Variants in AP2A2 observed in about 807,000 individuals in gnomAD.
AP2A2 encodes adaptor related protein complex 2 subunit alpha 2.
A neutral mutation model predicts 104.2 loss-of-function variants in AP2A2; 32 were observed. The observed-to-expected ratio is 0.31, with a 90% CI of 0.23 to 0.41. The LOEUF (loss-of-function observed/expected upper bound fraction) is 0.41, where lower values mean the gene tolerates loss of function less well. Ranked by LOEUF, AP2A2 falls within the 10% of genes least tolerant of loss-of-function variation. AP2A2 has a pLI of 1.00. For missense variants in AP2A2, 912 were observed against 1,261.0 expected (o/e 0.72, Z 4.19); for synonymous variants, 539 against 533.3 (o/e 1.01, Z -0.15).
chr11:981,108 C>A, intron 5 of AP2A2, 90 bp from the exon 6 acceptor site: 1 of 1,094,032 alleles, frequency 9.1e-7, no homozygotes, highest in Non-Finnish European at 1.3e-6. Flanking sequence ...CACTGTGCTG[C>A]TGGTTGGTTT....
chr11:1,006,662 G>A (rs749546403), intron 17 of AP2A2, 45 bp downstream of exon 17: 1 of 1,431,218 alleles, frequency 7.0e-7, no homozygotes, highest in South Asian at 1.2e-5. Flanking sequence ...AGCATAATGT[G>A]GGGCTTAGAG....
chr11:933,676 G>A (rs776715909), intron 1 of AP2A2: 7 of 456,070 alleles, frequency 1.5e-5, no homozygotes, highest in Non-Finnish European at 3.1e-5. Context: ...GTGTGAGGCA[G>A]TGAGATGCCC....
intron 1 of AP2A2, chr11:956,670 G>T (rs1854245684): frequency 6.6e-6 from 1 of 152,212 alleles, no homozygotes; most frequent in South Asian, 2.1e-4. Context: ...TGCCTGGCTT[G>T]TGACATACAT....
intron 1 of AP2A2, among the ~76,000 whole-genome samples, chr11:958,553 CAGAT>C (rs1854315430): frequency 6.6e-6 from 1 of 152,136 alleles, no homozygotes; most frequent in Non-Finnish European, 1.5e-5. Context: ...GATTTGACAA[CAGAT>C]AGGTTGTAAT....
chr11:992,478 G>T lies in AP2A2; in HGVS notation c.1270-25G>T. The T allele has an allele frequency of 6.4e-7, 1 of 1,563,414 alleles. No homozygotes were observed. Among genetic ancestry groups the T allele is most frequent in the Non-Finnish European group, 8.7e-7 (1 of 1,153,960 alleles). On this transcript the variant is annotated intron_variant, in intron 10 of 21. Transcript: ENST00000448903. This position sits in a 1 kb window ranked among gnomAD's most constrained non-coding sequence, Gnocchi z 6.4. Reference sequence around the variant, plus strand: ...GGATTGCCATGGCCTGCAGGTGCCGGCCCTCAGCAGCCTGTCCCCCACAGG... The same window carrying T: ...GGATTGCCATGGCCTGCAGGTGCCGTCCCTCAGCAGCCTGTCCCCCACAGG...
chr11:961,484 T>G (rs28515085), intron 2 of AP2A2, among the ~76,000 whole-genome samples: 139 of 80,194 alleles, frequency 1.7e-3, no homozygotes, highest in Middle Eastern at 0.017. Flanking sequence ...GAAAAGTAAA[T>G]GGCAGAAGCA....
At chr11:983,816 A>C (rs186675012) in intron 6 of AP2A2, among the ~76,000 whole-genome samples, 1 of 152,140 alleles carries the variant, frequency 6.6e-6, no homozygotes, top group Non-Finnish European at 1.5e-5. Context: ...GAGACAGCTC[A>C]TGTTGGCCGT....
chr11:1,010,209 A>G (rs1856373776), intron 21 of AP2A2: 1 of 492,036 alleles, frequency 2.0e-6, no homozygotes, highest in East Asian at 3.2e-5. Flanking sequence ...CGTTCTGGCG[A>G]CGGACACCTG....
intron 1 of AP2A2, chr11:940,994 C>T (rs1055305135): frequency 2.2e-5 from 10 of 447,790 alleles, no homozygotes; most frequent in Admixed American, 2.2e-4. Flanking sequence ...TCTCACGAGG[C>T]CCCTTGCTCC....
chr11:996,199 CAG>C (rs1284386099), intron 14 of AP2A2: 3 of 152,390 alleles, frequency 2.0e-5, no homozygotes, highest in Non-Finnish European at 4.4e-5. Context: ...CTCCGCCCTG[CAG>C]AGAGGAGGAC....
chr11:963,847 A>G (rs1854524431), intron 2 of AP2A2, among the ~76,000 whole-genome samples: 1 of 152,228 alleles, frequency 6.6e-6, no homozygotes, highest in South Asian at 2.1e-4. Context: ...GCTGGTTTCA[A>G]ACTTATGGGC....
intron 1 of AP2A2, among the ~76,000 whole-genome samples, chr11:951,091 C>CAA (rs879393709): frequency 5.0e-5 from 6 of 120,068 alleles, no homozygotes; most frequent in Middle Eastern, 4.7e-3. Context: ...GACTGCATCT[C>CAA]AAAAAAAAAA....
At chr11:956,999 C>T (rs2134551654) in intron 1 of AP2A2, 1 of 152,314 alleles carries the variant, frequency 6.6e-6, no homozygotes. Context: ...TCAGATCCTG[C>T]AGGGGAGTCC....
intron 14 of AP2A2, among the ~76,000 whole-genome samples, chr11:998,299 C>A (rs928617711): frequency 8.6e-5 from 13 of 150,544 alleles, no homozygotes; most frequent in African/African-American, 2.7e-4. Context: ...TTCTGACTGC[C>A]CCCCAATCCC....
At chr11:943,952 G>A (rs1272605764) in intron 1 of AP2A2, among the ~76,000 whole-genome samples, 4 of 150,842 alleles carry the variant, frequency 2.7e-5, no homozygotes, top group African/African-American at 4.9e-5. Context: ...AGGTGGCAGC[G>A]GAGATGGCGA....
intron 9 of AP2A2, 125 bp downstream of exon 9, chr11:987,078 G>T: frequency 8.6e-7 from 1 of 1,168,492 alleles, no homozygotes; most frequent in Non-Finnish European, 1.2e-6. Context: ...TGGTGCTGCT[G>T]GCCTCCGCCT....
At chr11:939,103 T>C (rs1276761562) in intron 1 of AP2A2, among the ~76,000 whole-genome samples, 1 of 151,578 alleles carries the variant, frequency 6.6e-6, no homozygotes, top group Non-Finnish European at 1.5e-5. Flanking sequence ...ATAAAAAAAT[T>C]CCCTGAGTGT....
chr11:953,150 G>A (rs1236709539), intron 1 of AP2A2, among the ~76,000 whole-genome samples: 2 of 152,140 alleles, frequency 1.3e-5, no homozygotes, highest in African/African-American at 4.8e-5. Flanking sequence ...AGCCATGGTC[G>A]TGCTGGATTG....
At chr11:1,009,296 C>A in intron 19 of AP2A2, 32 bp from the exon 20 acceptor site, 1 of 1,611,796 alleles carries the variant, frequency 6.2e-7, no homozygotes, top group Non-Finnish European at 8.5e-7. Context: ...TCTGGCCTGG[C>A]TGAGAACACT....
Sources: gnomAD v4.1 joint callset for allele counts (sites outside exome capture counted in the v4.1 genomes callset) on GRCh38, gnomAD v4.1.1 for gene constraint, Gnocchi (gnomAD v3.1) non-coding constraint, MANE v1.5 for transcripts, NCBI Gene and HGNC (gene_info 2026-07-23, HGNC 2026-07-21) for gene names.